ERBB4: variants seen among roughly 807,000 people sequenced by gnomAD.
ERBB4 encodes the protein erb-b2 receptor tyrosine kinase 4, also known as receptor tyrosine-protein kinase erbB-4.
A neutral mutation model predicts 158.0 loss-of-function variants in ERBB4; 42 were observed. The observed-to-expected ratio is 0.27, with a 90% CI of 0.21 to 0.34. The LOEUF (loss-of-function observed/expected upper bound fraction) is 0.34. Among genes scored for constraint, ERBB4 ranks in the 10% least tolerant of loss-of-function variants. The probability of loss-of-function intolerance (pLI) is 1.00; values close to 1 mark genes in which losing one functional copy is unlikely to be tolerated. For missense variants in ERBB4, 1,333 were observed against 1,624.1 expected, an observed-to-expected ratio of 0.82 and a Z score of 3.08; for synonymous variants, 583 against 558.7, an observed-to-expected ratio of 1.04 and a Z score of -0.61.
At chr2:211,878,821 GA>G (rs1168286673) in intron 3 of ERBB4, among the ~76,000 whole-genome samples, 2 of 149,642 alleles carry the variant, frequency 1.3e-5, no homozygotes, top group East Asian at 1.9e-4. Flanking sequence ...ATTTTAAGTA[GA>G]AAAAAACAAA....
chr2:212,184,565 A>T lies in ERBB4; in HGVS notation c.83-59662T>A, dbSNP rs62182567. Among the ~76,000 whole-genome samples the T allele has an allele frequency of 6.9e-3, 1,054 of 152,238 alleles. 5 individuals are homozygous for T. The highest frequency in any genetic ancestry group is 0.011 in the Non-Finnish European group (717 of 68,006). Reference sequence around the variant, plus strand: ...TCAAACACTTACATCTGGCCCTAGCACATTTTGGAGCATCTAGTAAATACT... The same window carrying T: ...TCAAACACTTACATCTGGCCCTAGCTCATTTTGGAGCATCTAGTAAATACT... On this transcript the variant is annotated intron_variant, in intron 1 of 27. Transcript: ENST00000342788.
At chr2:211,435,814 T>G (rs576054201) in intron 20 of ERBB4, among the ~76,000 whole-genome samples, 1 of 152,216 alleles carries the variant, frequency 6.6e-6, no homozygotes, top group Non-Finnish European at 1.5e-5. Context: ...CTGATCTAAC[T>G]AATGCATGGT....
rs1460886833 is a variant in ERBB4 at position 211,790,479 on chromosome 2, G to T, written c.422-2320C>A. On this transcript the variant is annotated intron_variant, in intron 3 of 27. Coordinates refer to ENST00000342788, the MANE Select transcript of ERBB4 (RefSeq NM_005235.3). ...AAATAGAATCAGATTATATTATACT[G>T]AATAATAGTCTTATCAAATCCCTTT... Among the ~76,000 whole-genome samples, 3 of 151,932 alleles carry T rather than the reference G, an allele frequency of 2.0e-5. No individual in the cohort carries two copies. In the East Asian group the frequency reaches 5.8e-4, roughly 29 times the overall value.
intron 1 of ERBB4, among the ~76,000 whole-genome samples, chr2:212,420,554 A>G (rs1475787061): frequency 6.6e-6 from 1 of 152,138 alleles, no homozygotes; most frequent in Non-Finnish European, 1.5e-5. Flanking sequence ...CAAAAAATCA[A>G]AAGTTTGAAT....
intron 1 of ERBB4, among the ~76,000 whole-genome samples, chr2:212,452,777 A>G (rs573837452): frequency 2.0e-5 from 3 of 152,152 alleles, no homozygotes; most frequent in Non-Finnish European, 4.4e-5. Context: ...ATTCCTCTCC[A>G]CAGTGCTTAT....
chr2:212,101,820 C>T (rs2079092209), intron 2 of ERBB4, among the ~76,000 whole-genome samples: 1 of 151,736 alleles, frequency 6.6e-6, no homozygotes, highest in Non-Finnish European at 1.5e-5. Flanking sequence ...AAAGCTTCCT[C>T]TCCCGCTGGA....
chr2:211,975,570 ACT>A (rs1215262286), intron 2 of ERBB4, among the ~76,000 whole-genome samples: 2 of 152,174 alleles, frequency 1.3e-5, no homozygotes, highest in East Asian at 3.9e-4. Context: ...ACAAGTTTAC[ACT>A]CGGCGAACTT....
At position 212,016,351 on chromosome 2, in the gene ERBB4, C is replaced by A. The variant is rs562853622; in HGVS notation, c.235-68735G>T. On this transcript the variant is annotated intron_variant, in intron 2 of 27. Coordinates refer to ENST00000342788, the MANE Select transcript of ERBB4 (RefSeq NM_005235.3). ...CAGGTAAATCAACTATGAAAAAAGACGAATTATGAGAAACAGAAAACAATT... is the reference window on the plus strand; with the variant it reads ...CAGGTAAATCAACTATGAAAAAAGAAGAATTATGAGAAACAGAAAACAATT... Among the ~76,000 whole-genome samples the A allele has an allele frequency of 2.0e-5, 3 of 151,634 alleles. No individual in the cohort carries two copies. In the South Asian group the frequency reaches 6.3e-4, roughly 32 times the overall value.
At position 211,580,889 on chromosome 2, in the gene ERBB4, ATATATATATATATATAT is replaced by A. The variant is rs773400458; in HGVS notation, c.2302-18818_2302-18802del. The stretch of plus-strand genomic sequence containing the variant: ...TACATATATATATATATATATATAT[ATATATATATATATATAT>A]ATATATATATGATGGAATACTACTT... On this transcript the variant is annotated intron_variant, in intron 19 of 27. Transcript: ENST00000342788. Among the ~76,000 whole-genome samples, 391 of 73,120 alleles carry A rather than the reference ATATATATATATATATAT, an allele frequency of 5.3e-3. 100 individuals carry two copies. The highest frequency in any genetic ancestry group is 0.029 in the African/African-American group (339 of 11,662). 48.0% of individuals were successfully genotyped at this position (73,120 alleles called of 152,430 possible).
At position 212,510,951 on chromosome 2, in the gene ERBB4, TA is replaced by T. The variant is rs758830578; in HGVS notation, c.82+27497del. 5.9e-4 allele frequency among the ~76,000 whole-genome samples: 90 copies of T among 152,192 alleles called. 1 individual carries two copies. Among genetic ancestry groups the T allele is most frequent in the East Asian group, 2.7e-3 (14 of 5,180 alleles). ...TCATGACTATTTGATTTATAGCCAG[TA>T]AAATTATAATAACAAAATACTAATA... On this transcript the variant is annotated intron_variant, in intron 1 of 27. Coordinates refer to ENST00000342788, the MANE Select transcript of ERBB4 (RefSeq NM_005235.3).
At chr2:211,538,773 T>A (rs1022755844) in intron 20 of ERBB4, among the ~76,000 whole-genome samples, 1 of 151,846 alleles carries the variant, frequency 6.6e-6, no homozygotes, top group African/African-American at 2.4e-5. Context: ...ATGGTATACA[T>A]AGATGTGACA....
intron 1 of ERBB4, among the ~76,000 whole-genome samples, chr2:212,311,986 A>G (rs72947344): frequency 0.012 from 1,851 of 151,182 alleles, 15 homozygotes; most frequent in Non-Finnish European, 0.019. Context: ...AAGATTTTCA[A>G]TCTAACACTG....
At chr2:211,656,601 T>C (rs1172361984) in intron 16 of ERBB4, among the ~76,000 whole-genome samples, 1 of 152,176 alleles carries the variant, frequency 6.6e-6, no homozygotes, top group African/African-American at 2.4e-5. Flanking sequence ...AGTTCCATTA[T>C]CTCCTCAAAT....
chr2:211,594,098 C>G (rs2068555874), intron 19 of ERBB4, among the ~76,000 whole-genome samples: 1 of 152,152 alleles, frequency 6.6e-6, no homozygotes, highest in South Asian at 2.1e-4. Context: ...GAGGCATATC[C>G]TTCTTGGTGG....
intron 3 of ERBB4, among the ~76,000 whole-genome samples, chr2:211,910,296 A>T (rs1417615484): frequency 6.6e-6 from 1 of 151,342 alleles, no homozygotes; most frequent in Non-Finnish European, 1.5e-5. Context: ...AAGTTAAAAT[A>T]GTTTTATCTT....
intron 3 of ERBB4, among the ~76,000 whole-genome samples, chr2:211,861,147 T>TATATATATATATAA (rs2078034421): frequency 1.5e-5 from 1 of 68,912 alleles, no homozygotes; most frequent in African/African-American, 5.6e-5. Context: ...TATATATATA[T>TATATATATATATAA]ATATATATTA....
intron 1 of ERBB4, among the ~76,000 whole-genome samples, chr2:212,256,666 C>A (rs941907706): frequency 3.3e-5 from 5 of 152,076 alleles, no homozygotes; most frequent in African/African-American, 7.2e-5. Context: ...ATAGGTAAAA[C>A]AAACACAGAG....
chr2:211,430,395 A>G (rs959886696), intron 21 of ERBB4, among the ~76,000 whole-genome samples: 2 of 152,154 alleles, frequency 1.3e-5, no homozygotes, highest in African/African-American at 4.8e-5. Flanking sequence ...TAAGGCATGG[A>G]TTGAAACCAT....
rs73987379 is a variant in ERBB4 at position 212,346,134 on chromosome 2, A to G, written c.82+192315T>C. ...CACACTCTCAGAAGTAGAGATAACCAGTTCTTTGTCACAGCAGATAAAAAG... is the reference window on the plus strand; with the variant it reads ...CACACTCTCAGAAGTAGAGATAACCGGTTCTTTGTCACAGCAGATAAAAAG... On this transcript the variant is annotated intron_variant, in intron 1 of 27. Transcript: ENST00000342788. 6.8e-3 allele frequency among the ~76,000 whole-genome samples: 1,028 copies of G among 152,274 alleles called. 15 individuals are homozygous for G. The highest frequency in any genetic ancestry group is 0.023 in the African/African-American group (966 of 41,552).
Sources: allele counts gnomAD v4.1 joint callset (sites outside exome capture counted in the v4.1 genomes callset), GRCh38; gene constraint gnomAD v4.1.1; transcripts MANE v1.5; gene names NCBI Gene and HGNC (gene_info 2026-07-23, HGNC 2026-07-21).